The following LINGO2 variants were observed in gnomAD, a reference collection of about 807,000 sequenced individuals.
LINGO2 encodes leucine-rich repeat and immunoglobulin-like domain-containing nogo receptor-interacting protein 2.
In LINGO2, 14 loss-of-function variants were observed where a neutral mutation model predicts 30.6. That is an observed-to-expected ratio of 0.46 (90% confidence interval 0.30 to 0.72). LINGO2 has a LOEUF of 0.72. LINGO2 is among the 30% of genes least tolerant of loss of function. The pLI is 0.07. For synonymous variants in LINGO2, 317 were observed against 288.5 expected, an observed-to-expected ratio of 1.10 and a Z score of -1.00; for missense variants, 729 against 751.7, an observed-to-expected ratio of 0.97 and a Z score of 0.35.
the LINGO2 span, among the ~76,000 whole-genome samples, chr9:29,067,955 G>A: frequency 4.6e-5 from 7 of 151,664 alleles, no homozygotes; most frequent in South Asian, 4.1e-4. Flanking sequence ...TAAGACTATC[G>A]ATTGGGGGAA....
chr9:28,064,212 A>G (rs1295053402), intron 4 of LINGO2, among the ~76,000 whole-genome samples: 2 of 152,202 alleles, frequency 1.3e-5, no homozygotes, highest in African/African-American at 4.8e-5. Context: ...TGTGTTTAGG[A>G]CAGTGTATTT....
rs532134200 is a variant in LINGO2 at position 28,270,406 on chromosome 9, C to T, written c.-87+24802G>A. Among the ~76,000 whole-genome samples the T allele has an allele frequency of 2.0e-5, 3 of 152,080 alleles. No individual in the cohort carries two copies. In the South Asian group the frequency reaches 6.2e-4, roughly 32 times the overall value. On this transcript the variant is annotated intron_variant, in intron 4 of 5. Coordinates refer to ENST00000379992, the Ensembl canonical transcript of LINGO2. ...AGCAATCTAGCACCTATGATGACCACCCGGGGAAAGAAAGACACTAAAGCC... is the reference window on the plus strand; with the variant it reads ...AGCAATCTAGCACCTATGATGACCATCCGGGGAAAGAAAGACACTAAAGCC...
chr9:28,941,054 G>A, the LINGO2 span, among the ~76,000 whole-genome samples: 1 of 151,834 alleles, frequency 6.6e-6, no homozygotes, highest in Non-Finnish European at 1.5e-5. Flanking sequence ...GGGAGGAAAG[G>A]AGGAAGAAAG....
At chr9:28,320,357 T>G (rs930675378) in intron 3 of LINGO2, among the ~76,000 whole-genome samples, 3 of 152,180 alleles carry the variant, frequency 2.0e-5, no homozygotes, top group Non-Finnish European at 4.4e-5. Context: ...TATAATTGTT[T>G]CTGTCAATCC....
chr9:28,090,192 A>G (rs999125611), intron 4 of LINGO2, among the ~76,000 whole-genome samples: 2 of 152,204 alleles, frequency 1.3e-5, no homozygotes, highest in African/African-American at 4.8e-5. Flanking sequence ...AAAAAGAGGG[A>G]GTCCTCCCTA....
rs1396160830 is a variant in LINGO2, at chr9:28,475,994, T to TCTGA, written c.-337_-334dup. On this transcript the variant is annotated 5_prime_UTR_variant, in exon 2 of 6. It introduces an in-frame stop codon into an upstream open reading frame of the 5' UTR. Transcript: ENST00000379992. ...GTAGTGGCCACTTTCGGTGCTCTGC[T>TCTGA]CTGAGCTTCTTCTCATAACCCTATT... The TCTGA allele has an allele frequency of 2.0e-5, 3 of 152,594 alleles. No individual in the cohort carries two copies. The highest frequency in any genetic ancestry group is 7.2e-5 in the African/African-American group (3 of 41,436). 9.5% of individuals were successfully genotyped at this position (152,594 alleles called of 1,614,324 possible).
chr9:29,194,587 A>T, the LINGO2 span, among the ~76,000 whole-genome samples: 4 of 152,124 alleles, frequency 2.6e-5, no homozygotes, highest in African/African-American at 9.7e-5. Flanking sequence ...AATAGTCCCT[A>T]TGATCTCCAA....
chr9:28,293,028 T>C (rs1452400741), intron 4 of LINGO2, among the ~76,000 whole-genome samples: 1 of 152,076 alleles, frequency 6.6e-6, no homozygotes, highest in African/African-American at 2.4e-5. Context: ...TGCCTTGGCC[T>C]CCCAAAGTGC....
chr9:28,460,024 G>A (rs1246968804), intron 2 of LINGO2, among the ~76,000 whole-genome samples: 1 of 152,054 alleles, frequency 6.6e-6, no homozygotes, highest in Non-Finnish European at 1.5e-5. Context: ...ATTCTTGTGT[G>A]TCTGATGAAT....
chr9:28,924,946 G>C, the LINGO2 span, among the ~76,000 whole-genome samples: 51 of 152,002 alleles, frequency 3.4e-4, no homozygotes, highest in Non-Finnish European at 6.5e-4. Context: ...CCATTTGCCT[G>C]GTATGTCTTT....
At chr9:28,677,627 G>T in the LINGO2 span, among the ~76,000 whole-genome samples, 3 of 151,964 alleles carry the variant, frequency 2.0e-5, no homozygotes, top group African/African-American at 7.3e-5. Context: ...ACTGTCTAAC[G>T]CTCTCACATA....
intron 1 of LINGO2, among the ~76,000 whole-genome samples, chr9:28,622,519 CTG>C (rs965710786): frequency 1.3e-5 from 2 of 151,914 alleles, no homozygotes; most frequent in African/African-American, 4.8e-5. Flanking sequence ...TTGCAAAAGA[CTG>C]GATCTCATTA....
chr9:28,675,397 C>T, the LINGO2 span, among the ~76,000 whole-genome samples: 3 of 151,972 alleles, frequency 2.0e-5, no homozygotes, highest in Non-Finnish European at 2.9e-5. Context: ...TTCAATATTT[C>T]GTGATTGTTA....
the LINGO2 span, among the ~76,000 whole-genome samples, chr9:28,681,402 G>T: frequency 6.6e-6 from 1 of 152,002 alleles, no homozygotes; most frequent in Non-Finnish European, 1.5e-5. Context: ...CCCATACTGT[G>T]GTGTCCTCAT....
chr9:28,498,622 C>T lies in LINGO2; in HGVS notation c.-364-22597G>A, dbSNP rs559412654. Among the ~76,000 whole-genome samples the T allele has an allele frequency of 7.9e-5, 12 of 152,066 alleles. No homozygotes were observed. The South Asian group carries it at 8.3e-4, about 10-fold the overall frequency. On this transcript the variant is annotated intron_variant, in intron 1 of 5. Coordinates refer to ENST00000379992, the Ensembl canonical transcript of LINGO2. ...GCGCTTCCCGGGTAAGGCTATGCCT[C>T]GTCCTGCTTCCGCTCACACTCGGTG... is the stretch of plus-strand genomic sequence containing the variant.
the LINGO2 span, among the ~76,000 whole-genome samples, chr9:29,019,880 T>G: frequency 6.6e-6 from 1 of 152,168 alleles, no homozygotes; most frequent in African/African-American, 2.4e-5. Context: ...CGAATCATAT[T>G]TAAAGAAACT....
chr9:28,547,800 T>C (rs1564282634), intron 1 of LINGO2, among the ~76,000 whole-genome samples: 3 of 152,088 alleles, frequency 2.0e-5, no homozygotes, highest in African/African-American at 4.8e-5. Flanking sequence ...GCTGAACATA[T>C]ACAGAGTGAA....
At chr9:28,031,837 A>T (rs924822659) in intron 4 of LINGO2, among the ~76,000 whole-genome samples, 3 of 152,178 alleles carry the variant, frequency 2.0e-5, no homozygotes, top group Admixed American at 6.5e-5. Context: ...GATATTAGTG[A>T]TTCTATTCTT....
chr9:27,951,028 T>C (rs1330655539), intron 5 of LINGO2, among the ~76,000 whole-genome samples: 1 of 152,168 alleles, frequency 6.6e-6, no homozygotes. Flanking sequence ...CAACACAGTA[T>C]AAATTTCACA....
Sources: allele counts gnomAD v4.1 joint callset (sites outside exome capture counted in the v4.1 genomes callset), GRCh38; gene constraint gnomAD v4.1.1; transcripts MANE v1.5; gene names NCBI Gene and HGNC (gene_info 2026-07-23, HGNC 2026-07-21).